Variants in ADGRB3 observed in about 807,000 individuals in gnomAD.
ADGRB3 encodes adhesion G protein-coupled receptor B3, also known as brain-specific angiogenesis inhibitor 3.
In ADGRB3, 37 loss-of-function variants were observed where a neutral mutation model predicts 193.4. The observed-to-expected ratio is 0.19, with a 90% CI of 0.15 to 0.25. ADGRB3 has a LOEUF of 0.25. Ranked by LOEUF, ADGRB3 falls within the 10% of genes least tolerant of loss-of-function variation. The pLI is 1.00. For synonymous variants in ADGRB3, 690 were observed against 644.2 expected, an observed-to-expected ratio of 1.07 and a Z score of -1.08; for missense variants, 1,637 against 1,852.9, an observed-to-expected ratio of 0.88 and a Z score of 2.14.
At chr6:68,730,100 A>G (rs1365976304) in intron 3 of ADGRB3, among the ~76,000 whole-genome samples, 2 of 151,714 alleles carry the variant, frequency 1.3e-5, no homozygotes, top group Non-Finnish European at 3.0e-5. Context: ...ACTCATTTTT[A>G]TATTTCCAGT....
intron 20 of ADGRB3, among the ~76,000 whole-genome samples, chr6:69,271,661 T>C (rs1261981705): frequency 1.3e-5 from 2 of 152,164 alleles, no homozygotes; most frequent in Non-Finnish European, 2.9e-5. Context: ...AAGTCAGAAA[T>C]GTAAACATAC....
chr6:68,638,027 A>T (rs1209801060), intron 2 of ADGRB3, among the ~76,000 whole-genome samples: 1 of 152,250 alleles, frequency 6.6e-6, no homozygotes, highest in Non-Finnish European at 1.5e-5. Flanking sequence ...ATGTTTTTGC[A>T]AAGGAATTTC....
At chr6:69,387,422 A>T (rs143834918) in intron 31 of ADGRB3, among the ~76,000 whole-genome samples, 2 of 152,288 alleles carry the variant, frequency 1.3e-5, no homozygotes, top group East Asian at 3.9e-4. Flanking sequence ...CCCTCCACAC[A>T]TCCTAAAAAT....
chr6:68,676,829 A>G (rs1769104210), intron 3 of ADGRB3, among the ~76,000 whole-genome samples: 2 of 152,224 alleles, frequency 1.3e-5, no homozygotes, highest in South Asian at 2.1e-4. Flanking sequence ...AAGGGTTTCA[A>G]GTTAACCTGC....
chr6:69,112,728 A>G (rs1363826248), intron 17 of ADGRB3, among the ~76,000 whole-genome samples: 1 of 152,076 alleles, frequency 6.6e-6, no homozygotes, highest in African/African-American at 2.4e-5. Flanking sequence ...CATAATCTTT[A>G]CATTGTATTA....
At chr6:69,306,920 T>A (rs1186630113) in intron 20 of ADGRB3, among the ~76,000 whole-genome samples, 1 of 151,388 alleles carries the variant, frequency 6.6e-6, no homozygotes, top group Non-Finnish European at 1.5e-5. Flanking sequence ...TTTGTTCCTA[T>A]TTACCTTGAG....
chr6:69,236,568 G>A (rs1766272349), intron 19 of ADGRB3, among the ~76,000 whole-genome samples: 1 of 151,876 alleles, frequency 6.6e-6, no homozygotes, highest in South Asian at 2.1e-4. Context: ...CAAAAATTAG[G>A]CAGCATTTAA....
chr6:69,377,206 A>G (rs1410325112), intron 30 of ADGRB3, among the ~76,000 whole-genome samples: 3 of 152,086 alleles, frequency 2.0e-5, no homozygotes, highest in Non-Finnish European at 1.5e-5. Context: ...AGAGAGGAAT[A>G]CAGGGCTCAG....
chr6:69,300,716 A>G (rs1417366834), intron 20 of ADGRB3, among the ~76,000 whole-genome samples: 1 of 151,818 alleles, frequency 6.6e-6, no homozygotes, highest in Non-Finnish European at 1.5e-5. Flanking sequence ...ACAATTTACA[A>G]TAGCTACAAA....
chr6:68,736,332 T>C (rs2127336833), intron 3 of ADGRB3, among the ~76,000 whole-genome samples: 2 of 152,274 alleles, frequency 1.3e-5, no homozygotes, highest in Admixed American at 1.3e-4. Flanking sequence ...AATAATTCTT[T>C]AAAAATTTTA....
intron 17 of ADGRB3, among the ~76,000 whole-genome samples, chr6:69,193,718 T>C (rs1765244637): frequency 6.6e-6 from 1 of 152,130 alleles, no homozygotes; most frequent in Non-Finnish European, 1.5e-5. Flanking sequence ...ATCTCAATTT[T>C]TTTTTTTACC....
At chr6:69,324,104 A>G (rs1403625319) in intron 20 of ADGRB3, among the ~76,000 whole-genome samples, 2 of 152,122 alleles carry the variant, frequency 1.3e-5, no homozygotes, top group Non-Finnish European at 2.9e-5. Flanking sequence ...CTTTACCAAA[A>G]TGAAGCTGCT....
chr6:69,091,656 G>C (rs867321325), intron 17 of ADGRB3, among the ~76,000 whole-genome samples: 1 of 152,180 alleles, frequency 6.6e-6, no homozygotes, highest in African/African-American at 2.4e-5. Flanking sequence ...GCGGGTGGGA[G>C]GAGGGAAAGG....
chr6:69,088,289 T>TA (rs536048186), intron 17 of ADGRB3, among the ~76,000 whole-genome samples: 25 of 152,180 alleles, frequency 1.6e-4, no homozygotes, highest in South Asian at 2.1e-4. Context: ...CAATATACGT[T>TA]AAAAAAAACA....
chr6:68,691,059 T>G (rs1460009389), intron 3 of ADGRB3, among the ~76,000 whole-genome samples: 6 of 152,112 alleles, frequency 3.9e-5, no homozygotes, highest in Admixed American at 6.6e-5. Context: ...AAAAATACTT[T>G]TAACTGATTT....
intron 17 of ADGRB3, among the ~76,000 whole-genome samples, chr6:69,150,095 T>C (rs1774630821): frequency 6.6e-6 from 1 of 152,070 alleles, no homozygotes; most frequent in African/African-American, 2.4e-5. Flanking sequence ...ATGCTCACTG[T>C]AACCACTACC....
chr6:68,742,562 C>T (rs1271417522), intron 3 of ADGRB3, among the ~76,000 whole-genome samples: 1 of 152,024 alleles, frequency 6.6e-6, no homozygotes, highest in Non-Finnish European at 1.5e-5. Context: ...ACATCTGCAC[C>T]ACCCAAAGAA....
rs1582403281 is a variant in ADGRB3, at chr6:69,026,671, G to A, written c.2107+8172G>A. Among the ~76,000 whole-genome samples the A allele has an allele frequency of 2.0e-5, 3 of 152,272 alleles. No individual in the cohort carries two copies. In the East Asian group the frequency reaches 5.8e-4, roughly 29 times the overall value. On this transcript the variant is annotated intron_variant, in intron 13 of 31. Transcript: ENST00000370598. Reference sequence around the variant, plus strand: ...CATAGAATGTACTTCCACAAACCTAGATGGTATAGCCTATTACACGTCTAG... The same window carrying A: ...CATAGAATGTACTTCCACAAACCTAAATGGTATAGCCTATTACACGTCTAG...
At chr6:69,080,954 A>G (rs146154125) in intron 17 of ADGRB3, among the ~76,000 whole-genome samples, 4 of 152,072 alleles carry the variant, frequency 2.6e-5, no homozygotes, top group Non-Finnish European at 5.9e-5. Flanking sequence ...TGTCCAATAT[A>G]TGTTCTAGGT....
Sources: gnomAD v4.1 joint callset for allele counts (sites outside exome capture counted in the v4.1 genomes callset) on GRCh38, gnomAD v4.1.1 for gene constraint, MANE v1.5 for transcripts, NCBI Gene and HGNC (gene_info 2026-07-23, HGNC 2026-07-21) for gene names.